Variants in PHF21B observed in about 807,000 individuals in gnomAD.
The protein encoded by PHF21B is PHD finger protein 21B.
Under a neutral mutation model 62.2 loss-of-function variants are expected in PHF21B, and 22 were observed. The ratio of observed to expected loss-of-function variants is 0.35; its 90% confidence interval spans 0.25 to 0.51. The LOEUF is 0.51. PHF21B is among the 20% of genes least tolerant of loss of function. The pLI is 0.97. For missense variants in PHF21B, 701 were observed against 707.9 expected, an observed-to-expected ratio of 0.99 and a Z score of 0.11; for synonymous variants, 341 against 314.7, an observed-to-expected ratio of 1.08 and a Z score of -0.88.
intron 2 of PHF21B, among the ~76,000 whole-genome samples, chr22:44,952,215 C>T (rs888797627): frequency 6.6e-6 from 1 of 152,094 alleles, no homozygotes; most frequent in African/African-American, 2.4e-5. Flanking sequence ...TGGTGGCAGA[C>T]GCCTATAATC....
intron 2 of PHF21B, among the ~76,000 whole-genome samples, chr22:44,999,735 A>G (rs1215711483): frequency 3.3e-5 from 5 of 152,042 alleles, no homozygotes; most frequent in African/African-American, 1.2e-4. Flanking sequence ...TGGGCACCCA[A>G]TGGTCCAGAA....
In PHF21B at chr22:44,896,072, G is replaced by C. The variant is rs369875291; in HGVS notation, c.843C>G (p.Phe281Leu). The C allele has an allele frequency of 1.2e-6, 2 of 1,614,152 alleles. No homozygotes were observed. Among genetic ancestry groups the C allele is most frequent in the South Asian group, 2.2e-5 (2 of 91,082 alleles). Residue 281 changes from phenylalanine to leucine, a missense_variant, in exon 6 of 13, where the codon TTC becomes TTG. Phe to Leu is a conservative substitution (Grantham distance 22). Coordinates refer to ENST00000313237, the MANE Select transcript of PHF21B (RefSeq NM_138415.5). The part of the protein sequence containing the change: ...PTQENPEKIA[F>L]MVALGLVTTE... ...TGGTAACCAGGCCTAGCGCTACCAT[G>C]AAGGCGATTTTCTGAGGGAAGGAAC...
intron 2 of PHF21B, among the ~76,000 whole-genome samples, chr22:44,929,853 A>T (rs1384968848): frequency 2.6e-5 from 4 of 152,136 alleles, no homozygotes; most frequent in Admixed American, 6.5e-5. Flanking sequence ...CAGAGATGCG[A>T]GGGTCCACCG....
At chr22:44,948,008 T>TCCTCCCCACTGCTGTCCC (rs2072112100) in intron 2 of PHF21B, among the ~76,000 whole-genome samples, 1 of 152,066 alleles carries the variant, frequency 6.6e-6, no homozygotes, top group South Asian at 2.1e-4. Flanking sequence ...CCCGCTGTTG[T>TCCTCCCCACTGCTGTCCC]CCCTCCTCCC....
intron 12 of PHF21B, 92 bp downstream of exon 12, chr22:44,885,334 A>G: frequency 4.1e-6 from 5 of 1,229,958 alleles, no homozygotes; most frequent in Non-Finnish European, 5.6e-6. Flanking sequence ...CTGGATCTAC[A>G]CCTGTGGTTC....
intron 2 of PHF21B, among the ~76,000 whole-genome samples, chr22:44,952,541 G>C: frequency 6.6e-6 from 1 of 152,202 alleles, no homozygotes; most frequent in East Asian, 1.9e-4. Flanking sequence ...CAAGTGGACT[G>C]AACGATGCCC....
At chr22:44,888,223 G>A in intron 9 of PHF21B, 102 bp from the exon 10 acceptor site, 1 of 1,269,076 alleles carries the variant, frequency 7.9e-7, no homozygotes, top group Non-Finnish European at 1.0e-6. Flanking sequence ...ACCTACATGT[G>A]GCCGCTCTTC....
chr22:44,949,515 T>C (rs2072151571), intron 2 of PHF21B, among the ~76,000 whole-genome samples: 1 of 152,144 alleles, frequency 6.6e-6, no homozygotes, highest in East Asian at 1.9e-4. Context: ...CAGTTGTCAT[T>C]CTTCCCTGAA....
chr22:44,933,973 G>A (rs1206641085), intron 2 of PHF21B, among the ~76,000 whole-genome samples: 4 of 152,222 alleles, frequency 2.6e-5, no homozygotes, highest in Non-Finnish European at 5.9e-5. Flanking sequence ...CTCAGCAGTC[G>A]CTGCATTTCC....
intron 2 of PHF21B, among the ~76,000 whole-genome samples, chr22:44,988,515 T>C (rs1377062056): frequency 6.6e-6 from 1 of 152,052 alleles, no homozygotes; most frequent in East Asian, 1.9e-4. Context: ...AAAATATAAC[T>C]TCATCTTAGC....
At chr22:44,997,151 A>G (rs1435953159) in intron 2 of PHF21B, among the ~76,000 whole-genome samples, 1 of 152,076 alleles carries the variant, frequency 6.6e-6, no homozygotes, top group African/African-American at 2.4e-5. Flanking sequence ...ATACGCAAAA[A>G]GGCTTCAGAC....
intron 9 of PHF21B, 23 bp from the exon 10 acceptor site, chr22:44,888,144 A>G (rs2070893847): frequency 1.3e-6 from 2 of 1,497,944 alleles, no homozygotes; most frequent in Non-Finnish European, 1.8e-6. Flanking sequence ...GGAGGGCAGG[A>G]GACAGGTCAG....
chr22:44,960,196 G>A (rs537283166), intron 2 of PHF21B, among the ~76,000 whole-genome samples: 3 of 152,262 alleles, frequency 2.0e-5, no homozygotes, highest in South Asian at 4.1e-4. Flanking sequence ...CACAAGCCAC[G>A]GGACCCAAGG....
At chr22:44,885,133 C>A (rs2070832774) in intron 12 of PHF21B, among the ~76,000 whole-genome samples, 1 of 152,254 alleles carries the variant, frequency 6.6e-6, no homozygotes, top group Admixed American at 6.5e-5. Context: ...AGTCTGTCTT[C>A]TTCCTAGGCC....
chr22:45,006,493 C>T (rs1322159497), intron 2 of PHF21B, among the ~76,000 whole-genome samples: 1 of 152,178 alleles, frequency 6.6e-6, no homozygotes, highest in East Asian at 1.9e-4. Flanking sequence ...CTGCCGCAAC[C>T]TTCAAACAGG....
In PHF21B at chr22:44,916,441, C is replaced by T. The variant is rs137926911; in HGVS notation, c.403G>A (p.Glu135Lys). 7.2e-5 allele frequency: 115 copies of T among 1,596,930 alleles called. No individual in the cohort carries two copies. In the East Asian group the frequency reaches 8.5e-4, roughly 12 times the overall value. ...APGSQPQALA[E>K]PAALASPLSS... ...AGCGGAGAGGCGAGGGCGGCGGGCT[C>T]GGCGAGGGCCTGGGGCTGGCTGCCG... is the stretch of plus-strand genomic sequence containing the variant. Residue 135 changes from glutamate to lysine, a missense_variant, in exon 4 of 13, where the codon GAG becomes AAG. Physicochemically the swap from Glu to Lys is moderately conservative, Grantham distance 56. Transcript: ENST00000313237.
intron 2 of PHF21B, among the ~76,000 whole-genome samples, chr22:44,963,561 G>C (rs541281166): frequency 1.2e-3 from 179 of 152,340 alleles, no homozygotes; most frequent in African/African-American, 4.1e-3. Flanking sequence ...TGGGGCTGAA[G>C]GACGAAAGAA....
intron 10 of PHF21B, among the ~76,000 whole-genome samples, chr22:44,886,433 T>G (rs1773846486): frequency 7.8e-6 from 1 of 127,640 alleles, no homozygotes; most frequent in Non-Finnish European, 1.6e-5. Context: ...TGGGCATTAA[T>G]CCCAGCAGTT....
At chr22:44,914,149 A>C in intron 4 of PHF21B, 61 bp from the exon 5 acceptor site, 2 of 538,636 alleles carry the variant, frequency 3.7e-6, no homozygotes, top group East Asian at 3.4e-5. Flanking sequence ...CTGGGGAGGT[A>C]GCTGGTATGG....
Sources: gnomAD v4.1 joint callset for allele counts (sites outside exome capture counted in the v4.1 genomes callset) on GRCh38, gnomAD v4.1.1 for gene constraint, MANE v1.5 for transcripts, NCBI Gene and HGNC (gene_info 2026-07-23, HGNC 2026-07-21) for gene names.